Variants in ELFN2 observed in about 807,000 individuals in gnomAD.
The protein encoded by ELFN2 is extracellular leucine rich repeat and fibronectin type III domain containing 2, also known as protein phosphatase 1 regulatory subunit 29.
A neutral mutation model predicts 45.5 loss-of-function variants in ELFN2; 17 were observed. The observed-to-expected ratio is 0.37, with a 90% CI of 0.26 to 0.56. The LOEUF is 0.56. ELFN2 is among the 20% of genes least tolerant of loss of function. The pLI, the probability that ELFN2 is intolerant of heterozygous loss-of-function variation, is 0.77. For missense variants in ELFN2, 922 were observed against 1,183.2 expected, an observed-to-expected ratio of 0.78 and a Z score of 3.24; for synonymous variants, 550 against 551.5, an observed-to-expected ratio of 1.00 and a Z score of 0.04.
intron 1 of ELFN2, among the ~76,000 whole-genome samples, chr22:37,344,678 G>T (rs1003996996): frequency 6.6e-6 from 1 of 152,146 alleles, no homozygotes; most frequent in African/African-American, 2.4e-5. Flanking sequence ...GAGACTCCAT[G>T]CACGTGGCCC....
In ELFN2 at chr22:37,374,746, G is replaced by A. The variant is rs765628180; in HGVS notation, c.789C>T (p.Thr263=). 42 of 1,610,704 alleles carry A rather than the reference G, an allele frequency of 2.6e-5. No homozygotes were observed. Among genetic ancestry groups the A allele is most frequent in the Admixed American group, 8.3e-5 (5 of 59,958 alleles). The change falls in exon 3 of 3, where the codon ACC becomes ACT. Residue 263 remains threonine, a synonymous_variant. Transcript: ENST00000402918. ...RPVSHPTPYS[T]DAQREPDENS... is the part of the protein sequence containing the mutation. ...TCTCGTCTGGCTCCCTCTGGGCGTCGGTGGAGTAGGGCGTGGGGTGGCTCA... is the reference window on the plus strand; with the variant it reads ...TCTCGTCTGGCTCCCTCTGGGCGTCAGTGGAGTAGGGCGTGGGGTGGCTCA...
intron 2 of ELFN2, among the ~76,000 whole-genome samples, chr22:37,412,015 A>T (rs1932660610): frequency 6.6e-6 from 1 of 151,950 alleles, no homozygotes; most frequent in Non-Finnish European, 1.5e-5. Flanking sequence ...ACCTCCGCTC[A>T]GAGGACCATC....
At chr22:37,382,541 CTTTTTTTTTT>C (rs1241322092) in intron 2 of ELFN2, among the ~76,000 whole-genome samples, 1 of 90,908 alleles carries the variant, frequency 1.1e-5, no homozygotes, top group African/African-American at 4.8e-5. Flanking sequence ...CCACGCTGGC[CTTTTTTTTTT>C]TTTTTTTTTT....
chr22:37,403,968 A>C (rs573411113), intron 2 of ELFN2, among the ~76,000 whole-genome samples: 1 of 152,276 alleles, frequency 6.6e-6, no homozygotes, highest in South Asian at 2.1e-4. Context: ...GCACAAGGAC[A>C]CCTGAGGGGC....
At chr22:37,388,286 T>C (rs553476076) in intron 2 of ELFN2, among the ~76,000 whole-genome samples, 1 of 152,170 alleles carries the variant, frequency 6.6e-6, no homozygotes, top group African/African-American at 2.4e-5. Context: ...CCTGCCTTCT[T>C]CCAACCTGGC....
intron 2 of ELFN2, among the ~76,000 whole-genome samples, chr22:37,398,335 C>A (rs919434755): frequency 5.6e-4 from 86 of 152,242 alleles, no homozygotes; most frequent in East Asian, 5.8e-4. Flanking sequence ...CTCCTGCAAG[C>A]CTTCGTAGGG....
chr22:37,383,643 T>A (rs181736542), intron 2 of ELFN2, among the ~76,000 whole-genome samples: 1 of 152,256 alleles, frequency 6.6e-6, no homozygotes, highest in African/African-American at 2.4e-5. Context: ...TGAGGCATGC[T>A]GCCCAAGCAG....
chr22:37,418,521 C>T (rs555900343), intron 1 of ELFN2, among the ~76,000 whole-genome samples: 21 of 152,114 alleles, frequency 1.4e-4, no homozygotes, highest in African/African-American at 5.1e-4. Context: ...CAGTCACACC[C>T]CAGTCACAGC....
chr22:37,416,567 A>G (rs900095656), intron 2 of ELFN2, among the ~76,000 whole-genome samples: 2 of 152,168 alleles, frequency 1.3e-5, no homozygotes, highest in African/African-American at 4.8e-5. Flanking sequence ...AGAGGTGGGA[A>G]GATCATGACC....
intron 1 of ELFN2, among the ~76,000 whole-genome samples, chr22:37,424,248 A>G (rs1214658496): frequency 6.6e-6 from 1 of 152,148 alleles, no homozygotes; most frequent in Non-Finnish European, 1.5e-5. Flanking sequence ...GGAAGCTGCC[A>G]CCACCCTCTT....
intron 2 of ELFN2, among the ~76,000 whole-genome samples, chr22:37,400,263 C>T (rs1932330155): frequency 6.6e-6 from 1 of 152,108 alleles, no homozygotes; most frequent in South Asian, 2.1e-4. Context: ...TCAGACTTCA[C>T]CTTCTGTCCA....
In ELFN2 at chr22:37,359,974, T is replaced by C. The variant is rs1489652920; in HGVS notation, n.149-17271A>G. Among the ~76,000 whole-genome samples, 6 of 152,302 alleles carry C rather than the reference T, an allele frequency of 3.9e-5. No homozygotes were observed. In the East Asian group the frequency reaches 1.2e-3, roughly 29 times the overall value. ...TTAAGGGGCAGGTTATTTAGAAATT[T>C]CTAGAAAAGGAGCTGTAACTTCCAG... On this transcript the variant is annotated intron_variant and non_coding_transcript_variant, in intron 1 of 2. Coordinates refer to ENST00000452946, the Ensembl canonical transcript of ELFN2.
At chr22:37,416,471 T>C (rs1441418533) in intron 2 of ELFN2, among the ~76,000 whole-genome samples, 1 of 151,914 alleles carries the variant, frequency 6.6e-6, no homozygotes, top group African/African-American at 2.4e-5. Context: ...GGGGACAAAG[T>C]CACTTGGGGG....
At chr22:37,416,581 GA>G (rs1313746340) in intron 2 of ELFN2, among the ~76,000 whole-genome samples, 1 of 152,194 alleles carries the variant, frequency 6.6e-6, no homozygotes, top group Admixed American at 6.5e-5. Flanking sequence ...CATGACCACA[GA>G]AGTGGGAGGG....
chr22:37,412,365 G>C (rs1211191654), intron 2 of ELFN2, among the ~76,000 whole-genome samples: 1 of 151,066 alleles, frequency 6.6e-6, no homozygotes, highest in African/African-American at 2.4e-5. Flanking sequence ...TCCACCCTCA[G>C]ACTGGGGCTC....
intron 2 of ELFN2, among the ~76,000 whole-genome samples, chr22:37,412,694 G>T (rs541939410): frequency 6.6e-6 from 1 of 152,302 alleles, no homozygotes; most frequent in African/African-American, 2.4e-5. Flanking sequence ...CTTGAGCAAG[G>T]CACCGGGACA....
chr22:37,398,473 G>A (rs553612290), intron 2 of ELFN2, among the ~76,000 whole-genome samples: 5 of 151,200 alleles, frequency 3.3e-5, no homozygotes, highest in African/African-American at 7.3e-5. Context: ...ACTCCTGTCC[G>A]GCCCCTTCCC....
chr22:37,393,061 A>T (rs776481426), intron 2 of ELFN2, among the ~76,000 whole-genome samples: 5 of 152,054 alleles, frequency 3.3e-5, no homozygotes, highest in Admixed American at 1.3e-4. Context: ...ACAGAGGGGG[A>T]CAGCGCCCAG....
chr22:37,360,961 G>C (rs992012039), intron 1 of ELFN2, among the ~76,000 whole-genome samples: 1 of 152,116 alleles, frequency 6.6e-6, no homozygotes, highest in Non-Finnish European at 1.5e-5. Flanking sequence ...TCTGGAATGG[G>C]GTTTACAGCA....
Sources: allele counts gnomAD v4.1 joint callset (sites outside exome capture counted in the v4.1 genomes callset), GRCh38; gene constraint gnomAD v4.1.1; transcripts MANE v1.5; gene names NCBI Gene and HGNC (gene_info 2026-07-23, HGNC 2026-07-21).